DPH6: variants seen among roughly 807,000 people sequenced by gnomAD.
DPH6 encodes diphthine--ammonia ligase.
Under a neutral mutation model 38.2 loss-of-function variants are expected in DPH6, and 33 were observed. That is an observed-to-expected ratio of 0.86 (90% CI 0.65 to 1.15). The LOEUF (loss-of-function observed/expected upper bound fraction) is 1.15, where lower values mean the gene tolerates loss of function less well. Among genes scored for constraint, DPH6 ranks in the 50% most tolerant of loss-of-function variants. DPH6 has a pLI of 0.00. For missense variants in DPH6, 325 were observed against 320.0 expected (o/e 1.02, Z -0.12); for synonymous variants, 108 against 103.0 (o/e 1.05, Z -0.30).
chr15:35,266,730 G>A (rs2051785937), intron 3 of DPH6, among the ~76,000 whole-genome samples: 1 of 152,004 alleles, frequency 6.6e-6, no homozygotes, highest in African/African-American at 2.4e-5. Context: ...AGAATCAAAA[G>A]GTAATTATTT....
intron 5 of DPH6, among the ~76,000 whole-genome samples, chr15:35,427,876 T>G (rs1347754100): frequency 6.6e-6 from 1 of 151,914 alleles, no homozygotes; most frequent in East Asian, 1.9e-4. Context: ...CTTTCTTTTC[T>G]TCCCTACAAT....
chr15:35,397,395 A>G (rs2053148592), intron 6 of DPH6, among the ~76,000 whole-genome samples: 2 of 152,250 alleles, frequency 1.3e-5, no homozygotes, highest in Admixed American at 6.5e-5. Context: ...ATCTCAAAGA[A>G]TAACTGCTAC....
rs1021431159 is a variant in DPH6, at chr15:35,541,765, T to G, written c.118+648A>C. Among the ~76,000 whole-genome samples, 11 of 152,186 alleles carry G rather than the reference T, an allele frequency of 7.2e-5. No homozygotes were observed. In the East Asian group the frequency reaches 2.1e-3, roughly 29 times the overall value. ...AACACAATAGCATTAAAAAGCAAATTGGTGAATATATTTCTTTTTTCAAAA... is the reference window on the plus strand; with the variant it reads ...AACACAATAGCATTAAAAAGCAAATGGGTGAATATATTTCTTTTTTCAAAA... On this transcript the variant is annotated intron_variant, in intron 2 of 8. Transcript: ENST00000256538.
At chr15:35,520,636 G>C in intron 3 of DPH6, 1 of 984,664 alleles carries the variant, frequency 1.0e-6, no homozygotes, top group Non-Finnish European at 1.2e-6. Flanking sequence ...AAAAGTAAAA[G>C]GGAGTTAAAT....
intron 3 of DPH6, among the ~76,000 whole-genome samples, chr15:35,495,803 A>T (rs892438444): frequency 3.3e-5 from 5 of 152,222 alleles, no homozygotes; most frequent in Non-Finnish European, 7.3e-5. Context: ...AGACAGCAAG[A>T]TTTATTATAA....
At chr15:35,299,052 TC>T in intron 3 of DPH6, 1 of 712,816 alleles carries the variant, frequency 1.4e-6, no homozygotes, top group Non-Finnish European at 2.4e-6. Context: ...TTCTTCTCTT[TC>T]TTCTATTTCT....
intron 3 of DPH6, among the ~76,000 whole-genome samples, chr15:35,518,643 TTA>T (rs2054880588): frequency 6.6e-6 from 1 of 152,010 alleles, no homozygotes; most frequent in African/African-American, 2.4e-5. Flanking sequence ...GCACATCTCA[TTA>T]TGTTAGTTCA....
chr15:35,190,231 G>A, the DPH6 span, among the ~76,000 whole-genome samples: 3 of 152,312 alleles, frequency 2.0e-5, no homozygotes, highest in South Asian at 2.1e-4. Context: ...CTCCTTGCCC[G>A]CTGCCTAGAC....
At chr15:35,359,681 C>G (rs1306140779) in intron 3 of DPH6, among the ~76,000 whole-genome samples, 1 of 152,172 alleles carries the variant, frequency 6.6e-6, no homozygotes, top group African/African-American at 2.4e-5. Context: ...AAAGGTCTCC[C>G]TTTGCCACTT....
chr15:35,419,838 T>C (rs1051422835), intron 5 of DPH6, among the ~76,000 whole-genome samples: 2 of 152,076 alleles, frequency 1.3e-5, no homozygotes, highest in African/African-American at 4.8e-5. Flanking sequence ...AACACAATAA[T>C]AGCAGGAAAT....
intron 3 of DPH6, among the ~76,000 whole-genome samples, chr15:35,246,600 G>A (rs540594235): frequency 6.6e-6 from 1 of 152,268 alleles, no homozygotes; most frequent in South Asian, 2.1e-4. Flanking sequence ...CATGATACAG[G>A]CATTTAAATG....
intron 3 of DPH6, among the ~76,000 whole-genome samples, chr15:35,487,218 G>T (rs796748923): frequency 6.6e-6 from 1 of 152,212 alleles, no homozygotes; most frequent in South Asian, 2.1e-4. Flanking sequence ...GGGGTTTCGA[G>T]AACAGTGGCC....
intron 3 of DPH6, among the ~76,000 whole-genome samples, chr15:35,503,009 A>G (rs1397419582): frequency 2.7e-5 from 4 of 150,462 alleles, no homozygotes; most frequent in Non-Finnish European, 5.9e-5. Context: ...TGACCATCAT[A>G]AAGTGACTGC....
At chr15:35,345,491 CATG>C (rs2052454491) in intron 3 of DPH6, among the ~76,000 whole-genome samples, 4 of 151,834 alleles carry the variant, frequency 2.6e-5, no homozygotes, top group African/African-American at 9.7e-5. Flanking sequence ...ATCTATTGCA[CATG>C]ATTATGCGTG....
intron 3 of DPH6, among the ~76,000 whole-genome samples, chr15:35,529,936 T>C (rs566149077): frequency 6.6e-6 from 1 of 152,208 alleles, no homozygotes; most frequent in East Asian, 1.9e-4. Flanking sequence ...TATTTATCAA[T>C]AATATCATTT....
intron 3 of DPH6, among the ~76,000 whole-genome samples, chr15:35,224,092 T>C (rs561913740): frequency 6.7e-6 from 1 of 148,656 alleles, no homozygotes; most frequent in Non-Finnish European, 1.5e-5. Flanking sequence ...TTCTGTGGCA[T>C]GATTTTAGTT....
intron 3 of DPH6, among the ~76,000 whole-genome samples, chr15:35,527,906 C>A (rs2055028955): frequency 1.3e-5 from 2 of 152,094 alleles, no homozygotes; most frequent in African/African-American, 4.8e-5. Context: ...TCCTCTCTCA[C>A]AGGAGTTTAA....
At chr15:35,391,624 C>G (rs374188938) in intron 6 of DPH6, among the ~76,000 whole-genome samples, 1 of 152,208 alleles carries the variant, frequency 6.6e-6, no homozygotes, top group Non-Finnish European at 1.5e-5. Flanking sequence ...GCTCCGTGGG[C>G]GTAGGACCCT....
intron 3 of DPH6, among the ~76,000 whole-genome samples, chr15:35,363,606 A>G (rs541814670): frequency 2.8e-4 from 43 of 152,186 alleles, no homozygotes; most frequent in African/African-American, 8.4e-4. Context: ...TGGTACAATT[A>G]TATTTAATGT....
Sources: gnomAD v4.1 joint callset for allele counts (sites outside exome capture counted in the v4.1 genomes callset) on GRCh38, gnomAD v4.1.1 for gene constraint, MANE v1.5 for transcripts, NCBI Gene and HGNC (gene_info 2026-07-23, HGNC 2026-07-21) for gene names.